Variants in ADK observed in about 807,000 individuals in gnomAD.
ADK encodes N6,N6-dimethyladenosine kinase.
A neutral mutation model predicts 44.7 loss-of-function variants in ADK; 24 were observed. That is an observed-to-expected ratio of 0.54 (90% CI 0.39 to 0.76). ADK has a LOEUF of 0.76. Among genes scored for constraint, ADK ranks in the 30% least tolerant of loss-of-function variants. The pLI is 0.00. For missense variants in ADK, 321 were observed against 425.1 expected (o/e 0.76, Z 2.15); for synonymous variants, 128 against 142.6 (o/e 0.90, Z 0.73).
chr10:74,580,010 T>C (rs1045725835), intron 7 of ADK, among the ~76,000 whole-genome samples: 1 of 152,232 alleles, frequency 6.6e-6, no homozygotes, highest in Non-Finnish European at 1.5e-5. Context: ...TCTCACCTAG[T>C]AAAGCTTCTA....
chr10:74,429,382 T>TG (rs1844903256), intron 6 of ADK, among the ~76,000 whole-genome samples: 1 of 152,198 alleles, frequency 6.6e-6, no homozygotes, highest in African/African-American at 2.4e-5. Context: ...TACAGTGAAG[T>TG]CATAACTTGC....
At chr10:74,246,967 T>C (rs1025927123) in intron 3 of ADK, among the ~76,000 whole-genome samples, 2 of 151,892 alleles carry the variant, frequency 1.3e-5, no homozygotes, top group Non-Finnish European at 2.9e-5. Flanking sequence ...AAAAAAGTTA[T>C]ATTTTAACTT....
intron 8 of ADK, among the ~76,000 whole-genome samples, chr10:74,598,115 A>G (rs1056148603): frequency 3.3e-5 from 5 of 152,284 alleles, no homozygotes; most frequent in South Asian, 4.1e-4. Flanking sequence ...ACTTGCCCCA[A>G]ATCATACAAA....
At chr10:74,569,905 A>C (rs943775275) in intron 7 of ADK, among the ~76,000 whole-genome samples, 12 of 152,052 alleles carry the variant, frequency 7.9e-5, no homozygotes, top group Non-Finnish European at 1.6e-4. Context: ...TTATGGTTTT[A>C]GGTCTAACAT....
chr10:74,690,846 G>T (rs1855967039), intron 10 of ADK, among the ~76,000 whole-genome samples: 1 of 152,152 alleles, frequency 6.6e-6, no homozygotes, highest in South Asian at 2.1e-4. Flanking sequence ...CCAAAGCCCA[G>T]TACCTAGACA....
intron 10 of ADK, among the ~76,000 whole-genome samples, chr10:74,703,786 G>C (rs1160658488): frequency 2.0e-5 from 3 of 152,174 alleles, no homozygotes; most frequent in Non-Finnish European, 4.4e-5. Context: ...TCTCAGAAAA[G>C]ATACACTGAA....
At chr10:74,255,433 A>G (rs1488935387) in intron 3 of ADK, among the ~76,000 whole-genome samples, 2 of 152,156 alleles carry the variant, frequency 1.3e-5, no homozygotes, top group African/African-American at 4.8e-5. Context: ...GACACAGGGT[A>G]TAATTGCTCC....
rs139773895 is a variant in ADK at position 74,647,264 on chromosome 10, C to T, written c.878-22919C>T. ...ATAGCTACCCACAGTATAGTATCCA[C>T]AGACGATATAGAGTTATGTCCCTCT... is the stretch of plus-strand genomic sequence containing the variant. On this transcript the variant is annotated intron_variant, in intron 9 of 10. Coordinates refer to ENST00000539909, the MANE Select transcript of ADK (RefSeq NM_006721.4). 6.9e-3 allele frequency among the ~76,000 whole-genome samples: 1,052 copies of T among 152,274 alleles called. 4 individuals are homozygous for T. Among genetic ancestry groups the T allele is most frequent in the Admixed American group, 0.011 (168 of 15,302 alleles).
chr10:74,162,643 C>A (rs1049837832), intron 1 of ADK, among the ~76,000 whole-genome samples: 1 of 151,682 alleles, frequency 6.6e-6, no homozygotes, highest in Admixed American at 6.6e-5. Flanking sequence ...CTCCCAGGTT[C>A]AAGCAATTCT....
intron 6 of ADK, among the ~76,000 whole-genome samples, chr10:74,522,474 C>T (rs1233321542): frequency 6.6e-6 from 1 of 152,074 alleles, no homozygotes; most frequent in Admixed American, 6.5e-5. Flanking sequence ...GGCCCTGACA[C>T]AATTATAGTA....
chr10:74,438,465 C>T (rs954775653), intron 6 of ADK, among the ~76,000 whole-genome samples: 3 of 151,676 alleles, frequency 2.0e-5, no homozygotes, highest in Non-Finnish European at 4.4e-5. Flanking sequence ...CTCCTGACCT[C>T]GTGATCCCTC....
At chr10:74,424,256 T>C (rs1279518790) in intron 6 of ADK, among the ~76,000 whole-genome samples, 1 of 152,014 alleles carries the variant, frequency 6.6e-6, no homozygotes, top group Admixed American at 6.6e-5. Context: ...AAATAAAATA[T>C]GGCCGGGCAT....
chr10:74,181,694 A>G (rs1345825287), intron 1 of ADK, among the ~76,000 whole-genome samples: 2 of 152,190 alleles, frequency 1.3e-5, no homozygotes, highest in African/African-American at 4.8e-5. Context: ...AGAGCCTAAG[A>G]TAGAATTTAG....
At chr10:74,533,885 C>T (rs538501780) in intron 7 of ADK, among the ~76,000 whole-genome samples, 1 of 152,316 alleles carries the variant, frequency 6.6e-6, no homozygotes, top group African/African-American at 2.4e-5. Context: ...CAAACATCCA[C>T]AACTAGTAAC....
chr10:74,589,199 G>A (rs1851631759), intron 7 of ADK, 83 bp from the exon 8 acceptor site: 1 of 1,229,138 alleles, frequency 8.1e-7, no homozygotes, highest in South Asian at 1.2e-5. Context: ...TAAAGAAGAA[G>A]ACTGAATGAG....
At chr10:74,239,143 G>A (rs530536368) in intron 3 of ADK, among the ~76,000 whole-genome samples, 3 of 151,292 alleles carry the variant, frequency 2.0e-5, no homozygotes, top group African/African-American at 7.3e-5. Flanking sequence ...ATATAATATT[G>A]TTTCTTTTTT....
intron 10 of ADK, among the ~76,000 whole-genome samples, chr10:74,670,764 A>G (rs962892662): frequency 2.0e-5 from 3 of 152,182 alleles, no homozygotes; most frequent in Admixed American, 6.5e-5. Flanking sequence ...TTTTGGCTCA[A>G]TAAGAACTGG....
chr10:74,373,490 T>TA (rs1842731409), intron 4 of ADK, among the ~76,000 whole-genome samples: 1 of 152,076 alleles, frequency 6.6e-6, no homozygotes, highest in South Asian at 2.1e-4. Context: ...TAACTCACTT[T>TA]AAAAAATGGG....
At chr10:74,211,005 C>G (rs979930386) in intron 2 of ADK, among the ~76,000 whole-genome samples, 4 of 152,222 alleles carry the variant, frequency 2.6e-5, no homozygotes, top group African/African-American at 9.6e-5. Flanking sequence ...ATGCCTCAGT[C>G]TCCTGAGTAG....
Sources: allele counts gnomAD v4.1 joint callset (sites outside exome capture counted in the v4.1 genomes callset), GRCh38; gene constraint gnomAD v4.1.1; transcripts MANE v1.5; gene names NCBI Gene and HGNC (gene_info 2026-07-23, HGNC 2026-07-21).